Variants in USP6NL observed in about 807,000 individuals in gnomAD.
The protein encoded by USP6NL is USP6 N-terminal like.
Under a neutral mutation model 61.9 loss-of-function variants are expected in USP6NL, and 26 were observed. That is an observed-to-expected ratio of 0.42 (90% confidence interval 0.31 to 0.58). The LOEUF (loss-of-function observed/expected upper bound fraction) is 0.58. Ranked by LOEUF, USP6NL falls within the 20% of genes least tolerant of loss-of-function variation. The pLI, the probability that USP6NL is intolerant of heterozygous loss-of-function variation, is 0.16. For synonymous variants in USP6NL, 432 were observed against 390.1 expected, an observed-to-expected ratio of 1.11 and a Z score of -1.27; for missense variants, 1,114 against 1,034.3, an observed-to-expected ratio of 1.08 and a Z score of -1.06.
rs769556264 is a variant in USP6NL at position 11,463,552 on chromosome 10, T to C, written c.1376A>G (p.Asp459Gly). Residue 459 changes from aspartate (D) to glycine (G), a missense_variant, in exon 15 of 15, where the codon GAC becomes GGC. Transcript: ENST00000609104. The surrounding 1 kb of genome is among the most constrained non-coding windows in gnomAD (Gnocchi z 6.3). ...TGCGTGATTATATTGCCTGGAACTG[T>C]CCTGTGGACCCGATGGGAGTTTTCT... ...FQRKLPSGPQ[D>G]SSRQYNHAAA... The C allele has an allele frequency of 6.2e-7, 1 of 1,614,030 alleles. No homozygotes were observed. Among genetic ancestry groups the C allele is most frequent in the South Asian group, 1.1e-5 (1 of 91,082 alleles).
rs1206392424 is a variant in USP6NL, at chr10:11,463,634, T to C, written c.1294A>G (p.Arg432Gly). Residue 432 changes from arginine (R) to glycine (G), a missense_variant, in exon 15 of 15, where the codon AGA becomes GGA. By Grantham distance (125) the Arg-to-Gly change is moderately radical. Transcript: ENST00000609104. The surrounding 1 kb of genome is among the most constrained non-coding windows in gnomAD (Gnocchi z 6.3). ...CTCTCCTCCTCCACCGATTTCCGTC[T>C]TGGCGGCTGTGCTCTCTCGGGCGTC... is the stretch of plus-strand genomic sequence containing the variant. The part of the protein sequence containing the change: ...TGTPERAQPP[R>G]RKSVEEESKK... 2.5e-6 allele frequency: 4 copies of C among 1,614,044 alleles called. No homozygotes were observed. The highest frequency in any genetic ancestry group is 1.6e-4 in the Middle Eastern group (1 of 6,062).
At chr10:11,466,382 T>C (rs751133734) in intron 14 of USP6NL, among the ~76,000 whole-genome samples, 1 of 152,164 alleles carries the variant, frequency 6.6e-6, no homozygotes, top group Non-Finnish European at 1.5e-5. Context: ...TTCCCAAATG[T>C]TGTTAAGCTG....
intron 2 of USP6NL, among the ~76,000 whole-genome samples, chr10:11,535,676 C>T (rs1238820391): frequency 1.3e-5 from 2 of 152,202 alleles, no homozygotes; most frequent in Admixed American, 1.3e-4. Flanking sequence ...ACAGCAAATG[C>T]TCTTTTTTCC....
At chr10:11,531,301 T>A (rs148646381) in intron 2 of USP6NL, among the ~76,000 whole-genome samples, 4 of 152,242 alleles carry the variant, frequency 2.6e-5, no homozygotes, top group African/African-American at 9.6e-5. Flanking sequence ...TGCAGAAATA[T>A]GTAGATCAAC....
intron 2 of USP6NL, among the ~76,000 whole-genome samples, chr10:11,529,436 T>G (rs749063631): frequency 2.6e-5 from 4 of 152,136 alleles, no homozygotes; most frequent in Non-Finnish European, 4.4e-5. Context: ...TTTATGCCAA[T>G]GAGATCATCA....
At chr10:11,521,451 G>A (rs948278392) in intron 4 of USP6NL, among the ~76,000 whole-genome samples, 9 of 150,450 alleles carry the variant, frequency 6.0e-5, no homozygotes, top group South Asian at 4.2e-4. Flanking sequence ...TGCGATCTCC[G>A]CTCACCGTAA....
chr10:11,577,417 T>G (rs1837591696), intron 2 of USP6NL, among the ~76,000 whole-genome samples: 1 of 152,128 alleles, frequency 6.6e-6, no homozygotes, highest in Non-Finnish European at 1.5e-5. Flanking sequence ...CTGATACTAT[T>G]GAAAACGGAG....
chr10:11,532,161 T>C lies in USP6NL; in HGVS notation c.5-4594A>G. ...ACGTTAAAAATATAAACAACATCAA[T>C]TTTAAAAGTACTTTACCCTTTGTGA... On this transcript the variant is annotated intron_variant, in intron 2 of 14. Coordinates refer to ENST00000609104, the MANE Select transcript of USP6NL (RefSeq NM_014688.5). This position sits in a 1 kb window ranked among gnomAD's most constrained non-coding sequence, Gnocchi z 4.1. 1 of 1,546,488 alleles carries C rather than the reference T, an allele frequency of 6.5e-7. No individual in the cohort carries two copies. Among genetic ancestry groups the C allele is most frequent in the Non-Finnish European group, 8.8e-7 (1 of 1,134,244 alleles).
chr10:11,581,260 C>T (rs999776171), intron 2 of USP6NL, among the ~76,000 whole-genome samples: 2 of 152,184 alleles, frequency 1.3e-5, no homozygotes, highest in Non-Finnish European at 2.9e-5. Context: ...TTACTTTGTA[C>T]TTTTTGTTAC....
chr10:11,463,208 A>G lies in USP6NL; in HGVS notation c.1720T>C (p.Ser574Pro). The change falls in exon 15 of 15, where the codon TCC becomes CCC. Residue 574 changes from serine (S) to proline (P), a missense_variant. Transcript: ENST00000609104. The surrounding 1 kb of genome is among the most constrained non-coding windows in gnomAD (Gnocchi z 6.3). ...TAAAGGGCATGCCGGGGGCTCTGGGAGTAAGCCCTTTCCAGCGCCTCCTCC... is the reference window on the plus strand; with the variant it reads ...TAAAGGGCATGCCGGGGGCTCTGGGGGTAAGCCCTTTCCAGCGCCTCCTCC... Reference protein sequence around the residue: ...SVEEALERAYSQSPRHALYPP... With the variant: ...SVEEALERAYPQSPRHALYPP... The G allele has an allele frequency of 6.2e-7, 1 of 1,613,306 alleles. No homozygotes were observed. Among genetic ancestry groups the G allele is most frequent in the South Asian group, 1.1e-5 (1 of 91,076 alleles).
Position 11,562,665 on chromosome 10 carries a change from T to C in USP6NL, c.4+34966A>G, listed in dbSNP as rs186228831. The C allele has an allele frequency of 5.8e-5, 57 of 985,450 alleles. No homozygotes were observed. In the East Asian group the frequency reaches 9.1e-4, roughly 16 times the overall value. 61.0% of individuals were successfully genotyped at this position (985,450 alleles called of 1,614,324 possible). On this transcript the variant is annotated intron_variant, in intron 2 of 14. Coordinates refer to ENST00000609104, the MANE Select transcript of USP6NL (RefSeq NM_014688.5). The surrounding 1 kb of genome is among the most constrained non-coding windows in gnomAD (Gnocchi z 4.8). ...TTATTTGTGACACTCAACATTCATA[T>C]GTTGTTAGCCACTTGTATTTCTGTA...
chr10:11,482,927 G>A lies in USP6NL; in HGVS notation c.926-1005C>T, dbSNP rs1404008972. On this transcript the variant is annotated intron_variant, in intron 13 of 14. Transcript: ENST00000609104. This position sits in a 1 kb window ranked among gnomAD's most constrained non-coding sequence, Gnocchi z 4.0. ...CAATGTTTTGATATATGTATACACT[G>A]TGGAATGACTAAGTCAAGCTAATTG... Among the ~76,000 whole-genome samples, 1 of 152,108 alleles carries A rather than the reference G, an allele frequency of 6.6e-6. No homozygotes were observed. Among genetic ancestry groups the A allele is most frequent in the Non-Finnish European group, 1.5e-5 (1 of 68,030 alleles).
At chr10:11,547,511 C>T (rs771527638) in intron 2 of USP6NL, among the ~76,000 whole-genome samples, 2 of 151,072 alleles carry the variant, frequency 1.3e-5, no homozygotes, top group African/African-American at 2.4e-5. Context: ...GTGAAGATCA[C>T]ATTTAATCAA....
rs1351775023 is a variant in USP6NL, at chr10:11,585,850, G to C, written c.4+11781C>G. Among the ~76,000 whole-genome samples, 1 of 152,184 alleles carries C rather than the reference G, an allele frequency of 6.6e-6. No individual in the cohort carries two copies. The highest frequency in any genetic ancestry group is 1.5e-5 in the Non-Finnish European group (1 of 68,032). On this transcript the variant is annotated intron_variant, in intron 2 of 14. Coordinates refer to ENST00000609104, the MANE Select transcript of USP6NL (RefSeq NM_014688.5). The surrounding 1 kb of genome is among the most constrained non-coding windows in gnomAD (Gnocchi z 4.5). ...GGATGGACCTTAAATACATTGTGCT[G>C]AGTTAAACCAGTTACAAAAATACAA... is the stretch of plus-strand genomic sequence containing the variant.
intron 5 of USP6NL, among the ~76,000 whole-genome samples, chr10:11,515,074 C>G (rs11257143): frequency 0.21 from 32,094 of 152,132 alleles, 3,655 homozygotes; most frequent in South Asian, 0.26. Context: ...CAAAGAAGGT[C>G]GAAGGATTAA....
intron 7 of USP6NL, among the ~76,000 whole-genome samples, chr10:11,497,945 T>C (rs751062643): frequency 9.2e-5 from 14 of 151,868 alleles, no homozygotes; most frequent in African/African-American, 2.4e-4. Context: ...AGATAAAAAA[T>C]TGGCATTATT....
chr10:11,494,010 G>A (rs1833810365), intron 7 of USP6NL, among the ~76,000 whole-genome samples: 1 of 152,158 alleles, frequency 6.6e-6, no homozygotes. Context: ...TTTTTCTCAG[G>A]TTCTTCCCTT....
Position 11,463,282 on chromosome 10 carries a change from G to C in USP6NL, c.1646C>G (p.Ser549Trp), listed in dbSNP as rs1011449693. Residue 549 changes from serine to tryptophan, a missense_variant, in exon 15 of 15, where the codon TCG becomes TGG. Physicochemically the swap from Ser to Trp is radical, Grantham distance 177 (BLOSUM62 -3). Coordinates refer to ENST00000609104, the MANE Select transcript of USP6NL (RefSeq NM_014688.5). The surrounding 1 kb of genome is among the most constrained non-coding windows in gnomAD (Gnocchi z 6.3). ...CGGGCCTGGCACGTTGTCGTACTGC[G>C]ATGCAGTGGAGCCCCGCTTCCCGTC... The part of the protein sequence containing the change: ...AEDGKRGSTA[S>W]QYDNVPGPEL... The C allele has an allele frequency of 6.2e-7, 1 of 1,613,798 alleles. No homozygotes were observed. Among genetic ancestry groups the C allele is most frequent in the Admixed American group, 1.7e-5 (1 of 60,030 alleles).
At position 11,597,610 on chromosome 10, in the gene USP6NL, G is replaced by C. The variant is rs1838371689; in HGVS notation, c.4+21C>G. The C allele has an allele frequency of 2.6e-6, 4 of 1,551,418 alleles. No homozygotes were observed. In the East Asian group the frequency reaches 9.8e-5, roughly 38 times the overall value. On this transcript the variant is annotated intron_variant, in intron 2 of 14. Transcript: ENST00000609104. This position sits in a 1 kb window ranked among gnomAD's most constrained non-coding sequence, Gnocchi z 4.6. ...CAAACGCTCCTGAGATGGCTGGAAG[G>C]AAAGGAAGCAGCGCACTTACTCATG...
Sources: gnomAD v4.1 joint callset for allele counts (sites outside exome capture counted in the v4.1 genomes callset) on GRCh38, gnomAD v4.1.1 for gene constraint, Gnocchi (gnomAD v3.1) non-coding constraint, MANE v1.5 for transcripts, NCBI Gene and HGNC (gene_info 2026-07-23, HGNC 2026-07-21) for gene names.